The following SMARCA1 variants were observed in gnomAD, a reference collection of about 807,000 sequenced individuals.
SMARCA1 encodes SWI/SNF-related matrix-associated actin-dependent regulator of chromatin subfamily A member 1.
SMARCA1 carries 17 observed loss-of-function variants against 93.6 expected under a neutral mutation model. The ratio of observed to expected loss-of-function variants is 0.18; its 90% CI spans 0.12 to 0.27. SMARCA1 has a LOEUF of 0.27. Ranked by LOEUF, SMARCA1 falls within the 10% of genes least tolerant of loss-of-function variation. The pLI is 1.00. For synonymous variants in SMARCA1, 271 were observed against 271.4 expected, an observed-to-expected ratio of 1.00 and a Z score of 0.01; for missense variants, 630 against 819.0, an observed-to-expected ratio of 0.77 and a Z score of 2.82.
In SMARCA1 at chrX:129,515,861, A is replaced by G. The variant is rs748127176; in HGVS notation, c.529+33T>C. The G allele has an allele frequency of 6.9e-6, 8 of 1,151,832 alleles. No individual in the cohort carries two copies. In the African/African-American group the frequency reaches 1.4e-4, roughly 21 times the overall value. The allele number at this position is 1,151,832 out of a possible 1,213,427, so 94.9% of individuals were successfully genotyped here. On this transcript the variant is annotated intron_variant, in intron 4 of 24. Transcript: ENST00000371121. The stretch of plus-strand genomic sequence containing the variant: ...GTAAAATTTTTCTAAAACTAAATTG[A>G]AAAAGAACTCACCAATGTGATGAAG...
At chrX:129,448,877 G>T (rs758325285) in intron 23 of SMARCA1, among the ~76,000 whole-genome samples, 2 of 109,151 alleles carry the variant, frequency 1.8e-5, no homozygotes, top group Non-Finnish European at 3.8e-5. Context: ...GAGGAGAGAG[G>T]GTAGGTGTGA....
intron 9 of SMARCA1, among the ~76,000 whole-genome samples, chrX:129,501,299 C>CT (rs67871991): frequency 0.013 from 1,316 of 100,859 alleles, 21 homozygotes; most frequent in African/African-American, 0.043. Flanking sequence ...ATATACCAAA[C>CT]TTTTTTTTTT....
In SMARCA1 at chrX:129,520,066, C is replaced by T. The variant is rs1382601163; in HGVS notation, c.175-1619G>A. ...TAATCTTGAGCAGGGCTATTAAAAGCTGTGGGTAATTACTTAATTGGCACT... is the reference window on the plus strand; with the variant it reads ...TAATCTTGAGCAGGGCTATTAAAAGTTGTGGGTAATTACTTAATTGGCACT... On this transcript the variant is annotated intron_variant, in intron 1 of 24. Transcript: ENST00000371121. Among the ~76,000 whole-genome samples the T allele has an allele frequency of 2.7e-5, 3 of 110,572 alleles. No homozygotes were observed. In the East Asian group the frequency reaches 8.5e-4, roughly 31 times the overall value.
At chrX:129,486,157 T>A (rs188317207) in intron 17 of SMARCA1, among the ~76,000 whole-genome samples, 4,522 of 110,327 alleles carry the variant, frequency 0.041, 247 homozygotes, top group African/African-American at 0.14. Flanking sequence ...TCTATTTTTT[T>A]AAAAATGCAC....
In SMARCA1 at chrX:129,511,817, T is replaced by C; in HGVS notation, c.797A>G (p.Asp266Gly). The change falls in exon 6 of 25, where the codon GAC becomes GGC. Residue 266 changes from aspartate (D) to glycine (G), a missense_variant. This residue lies in a region of SMARCA1 where 382 missense variants were observed against 537.9 expected (regional missense o/e 0.71). Transcript: ENST00000371121. Reference protein sequence around the residue: ...PSLRVICFVGDKDARAAFIRD... With the variant: ...PSLRVICFVGGKDARAAFIRD... ...TTTCTCACTTACTCTGGCATCCTTG[T>C]CTCCGACAAAACAAATGACACGGAG... 8.4e-7 allele frequency: 1 copy of C among 1,196,647 alleles called. No individual in the cohort carries two copies. The highest frequency in any genetic ancestry group is 1.1e-6 in the Non-Finnish European group (1 of 887,425).
At chrX:129,517,807 G>A (rs1006657778) in intron 2 of SMARCA1, among the ~76,000 whole-genome samples, 5 of 111,275 alleles carry the variant, frequency 4.5e-5, no homozygotes, top group African/African-American at 1.6e-4. Flanking sequence ...ATAATTAAAT[G>A]TATTATAGCA....
In SMARCA1 at chrX:129,504,827, A is replaced by T. The variant is rs1407993186; in HGVS notation, c.1099-25T>A. On this transcript the variant is annotated intron_variant, in intron 8 of 24. Transcript: ENST00000371121. ...CCTGTAGAGGGGTGGAAATTCTCCA[A>T]TGAGTGCACAGTTTTTTTAAATATA... 3 of 1,010,169 alleles carry T rather than the reference A, an allele frequency of 3.0e-6. No homozygotes were observed. In the Admixed American group the frequency reaches 6.7e-5, roughly 22 times the overall value. 83.2% of individuals were successfully genotyped at this position (1,010,169 alleles called of 1,213,427 possible). A position where few individuals can be genotyped will look rare whatever the true frequency, so the allele number is the denominator to read the frequency against.
At chrX:129,506,235 G>C (rs1490826027) in intron 7 of SMARCA1, 24 bp from the exon 8 acceptor site, 1 of 1,080,635 alleles carries the variant, frequency 9.3e-7, no homozygotes, top group African/African-American at 1.8e-5. Flanking sequence ...CTCATATGAG[G>C]ATTATTTTAC....
At chrX:129,489,287 T>A (rs1934024828) in intron 15 of SMARCA1, among the ~76,000 whole-genome samples, 1 of 112,586 alleles carries the variant, frequency 8.9e-6, no homozygotes, top group Admixed American at 9.4e-5. Flanking sequence ...AATTCCCTTC[T>A]GTAAAACTCA....
chrX:129,467,131 A>G (rs1049914407), intron 21 of SMARCA1, among the ~76,000 whole-genome samples: 1 of 112,064 alleles, frequency 8.9e-6, no homozygotes, highest in Middle Eastern at 4.6e-3. Context: ...TGTACAGGAT[A>G]CTGTATATTC....
rs986680705 is a variant in SMARCA1, at chrX:129,516,254, T to C, written c.428+77A>G. On this transcript the variant is annotated intron_variant, in intron 3 of 24. Coordinates refer to ENST00000371121, the MANE Select transcript of SMARCA1 (RefSeq NM_001282874.2). ...GAACAATGAAGAGCGAAGGGGTGCA[T>C]GAAGGGATCAAGGGAGGACAGGAGG... 5 of 941,694 alleles carry C rather than the reference T, an allele frequency of 5.3e-6. No individual in the cohort carries two copies. The African/African-American group carries it at 9.7e-5, about 18-fold the overall frequency. The allele number at this position is 941,694 out of a possible 1,213,427, so 77.6% of individuals were successfully genotyped here. A position where few individuals can be genotyped will look rare whatever the true frequency, so the allele number is the denominator to read the frequency against.
intron 1 of SMARCA1, among the ~76,000 whole-genome samples, chrX:129,519,157 G>GTGA (rs1935304707): frequency 9.0e-6 from 1 of 111,560 alleles, no homozygotes; most frequent in African/African-American, 3.2e-5. Flanking sequence ...TTGTAATTTA[G>GTGA]CGAAAACTAA....
At chrX:129,497,688 A>C (rs1934389122) in intron 11 of SMARCA1, among the ~76,000 whole-genome samples, 157 bp downstream of exon 11, 1 of 112,541 alleles carries the variant, frequency 8.9e-6, no homozygotes, top group Non-Finnish European at 1.9e-5. Flanking sequence ...TGTCTTATTC[A>C]TCTTTGTACA....
At chrX:129,467,915 A>G (rs1240057653) in intron 21 of SMARCA1, among the ~76,000 whole-genome samples, 1 of 112,388 alleles carries the variant, frequency 8.9e-6, no homozygotes, top group Non-Finnish European at 1.9e-5. Context: ...TCTAGATTCT[A>G]AACATCTTGT....
chrX:129,509,979 C>T, intron 6 of SMARCA1, among the ~76,000 whole-genome samples: 1 of 112,106 alleles, frequency 8.9e-6, no homozygotes, highest in South Asian at 3.7e-4. Context: ...AATACAAAGA[C>T]CCAACATATC....
Position 129,496,860 on chromosome X carries a change from G to C in SMARCA1, c.1516C>G (p.Leu506Val), listed in dbSNP as rs754964822. The change falls in exon 12 of 25, where the codon CTC (leucine) becomes GTC (valine). Residue 506 changes from leucine to valine, a missense_variant. Leu to Val is a conservative substitution (Grantham distance 32). Transcript: ENST00000371121. Reference sequence around the variant, plus strand: ...AAGCGAGTCATCTGGCTGAAAATGAGAACCCTTGAACCTAAAACATTTCAC... The same window carrying C: ...AAGCGAGTCATCTGGCTGAAAATGACAACCCTTGAACCTAAAACATTTCAC... ...AKLKEQGSRV[L>V]IFSQMTRLLD... 1 of 1,199,515 alleles carries C rather than the reference G, an allele frequency of 8.3e-7. No individual in the cohort carries two copies. The highest frequency in any genetic ancestry group is 1.1e-6 in the Non-Finnish European group (1 of 889,461).
intron 1 of SMARCA1, among the ~76,000 whole-genome samples, chrX:129,519,384 A>G (rs1935312684): frequency 8.9e-6 from 1 of 112,208 alleles, no homozygotes; most frequent in South Asian, 3.6e-4. Context: ...TACTTTGCAT[A>G]AGAGAAAACA....
intron 23 of SMARCA1, among the ~76,000 whole-genome samples, chrX:129,457,567 G>A (rs1218223712): frequency 2.7e-5 from 3 of 112,071 alleles, no homozygotes; most frequent in Non-Finnish European, 5.6e-5. Context: ...AGATGAGAAA[G>A]GAACTTTTAA....
intron 13 of SMARCA1, 86 bp from the exon 14 acceptor site, chrX:129,492,179 T>C: frequency 1.9e-6 from 1 of 524,672 alleles, no homozygotes; most frequent in Non-Finnish European, 3.2e-6. Context: ...AATAAAAACA[T>C]TTAAAATACA....
Sources: gnomAD v4.1 joint callset for allele counts (sites outside exome capture counted in the v4.1 genomes callset) on GRCh38, gnomAD v4.1.1 for gene constraint, gnomAD v4.1.1 regional missense constraint, MANE v1.5 for transcripts, NCBI Gene and HGNC (gene_info 2026-07-23, HGNC 2026-07-21) for gene names.